SORBS2: variants seen among roughly 807,000 people sequenced by gnomAD.
SORBS2 encodes sorbin and SH3 domain-containing protein 2.
A neutral mutation model predicts 97.7 loss-of-function variants in SORBS2; 46 were observed. That is an observed-to-expected ratio of 0.47 (90% confidence interval 0.37 to 0.60). The LOEUF (loss-of-function observed/expected upper bound fraction) is 0.60. Among genes scored for constraint, SORBS2 ranks in the 20% least tolerant of loss-of-function variants. SORBS2 has a pLI of 0.00. For missense variants in SORBS2, 1,316 were observed against 1,282.3 expected (o/e 1.03, Z -0.40); for synonymous variants, 476 against 473.4 (o/e 1.01, Z -0.07).
chr4:185,737,643 C>A (rs2098696353), intron 2 of SORBS2, among the ~76,000 whole-genome samples: 1 of 152,120 alleles, frequency 6.6e-6, no homozygotes, highest in Non-Finnish European at 1.5e-5. Context: ...GGGTCTCAGG[C>A]CAGCCGTGGA....
At chr4:185,779,892 G>T (rs979922) in intron 1 of SORBS2, among the ~76,000 whole-genome samples, 18,756 of 151,970 alleles carry the variant, frequency 0.12, 1,175 homozygotes, top group East Asian at 0.16. Flanking sequence ...ACAGCAGTCA[G>T]ATTCTCCTAT....
chr4:185,946,355 T>A (rs908666982), intron 1 of SORBS2, among the ~76,000 whole-genome samples: 2 of 152,154 alleles, frequency 1.3e-5, no homozygotes, highest in Non-Finnish European at 2.9e-5. Flanking sequence ...AATGTGAGTG[T>A]GAGCGAAGGC....
At chr4:185,690,901 T>C (rs1313691627) in intron 2 of SORBS2, among the ~76,000 whole-genome samples, 1 of 43,198 alleles carries the variant, frequency 2.3e-5, no homozygotes, top group Non-Finnish European at 4.5e-5. Flanking sequence ...TTTCTTTTTT[T>C]CTTTCTTTTT....
At chr4:185,728,464 T>A (rs2098581722) in intron 2 of SORBS2, among the ~76,000 whole-genome samples, 2 of 152,208 alleles carry the variant, frequency 1.3e-5, no homozygotes, top group African/African-American at 4.8e-5. Context: ...ATGCTCTGGA[T>A]GAAAACTGGT....
At chr4:185,624,106 C>G (rs764472768) in exon 7 of SORBS2, 1 of 1,614,176 alleles carries the variant, frequency 6.2e-7, no homozygotes, top group Non-Finnish European at 8.5e-7. Context: ...TGTGTCTGAT[C>G]CTTGATCTGC....
intron 2 of SORBS2, among the ~76,000 whole-genome samples, chr4:185,756,517 A>G (rs982018601): frequency 2.0e-5 from 3 of 152,142 alleles, no homozygotes; most frequent in African/African-American, 4.8e-5. Flanking sequence ...CTCAAGTACT[A>G]TTCATTGTTA....
chr4:185,845,017 CT>C (rs57089831), intron 1 of SORBS2, among the ~76,000 whole-genome samples: 33,385 of 140,100 alleles, frequency 0.24, 4,006 homozygotes, highest in Middle Eastern at 0.34. Flanking sequence ...GATGAAAATG[CT>C]TTTTTTTTTT....
In SORBS2 at chr4:185,690,618, G is replaced by GA. The variant is rs940985442; in HGVS notation, c.-197-11797dup. The GA allele has an allele frequency of 1.4e-5, 19 of 1,340,484 alleles. No homozygotes were observed. Among genetic ancestry groups the GA allele is most frequent in the Admixed American group, 1.3e-4 (6 of 46,054 alleles). The allele number at this position is 1,340,484 out of a possible 1,614,324, so 83.0% of individuals were successfully genotyped here. A position where few individuals can be genotyped will look rare whatever the true frequency, so the allele number is the denominator to read the frequency against. ...ATTAAAGTCTTCAGTTTTCCTGTAG[G>GA]AAAAAAATGGTGCATAATTGTTCAC... On this transcript the variant is annotated intron_variant, in intron 2 of 20. Coordinates refer to the SORBS2 transcript ENST00000284776.
intron 2 of SORBS2, among the ~76,000 whole-genome samples, chr4:185,740,995 G>A (rs555521344): frequency 3.4e-4 from 50 of 147,068 alleles, no homozygotes; most frequent in Non-Finnish European, 5.4e-4. Context: ...GCACTAACTC[G>A]GACCAGCACC....
chr4:185,777,702 T>A (rs940452716), intron 1 of SORBS2, among the ~76,000 whole-genome samples: 2 of 152,152 alleles, frequency 1.3e-5, no homozygotes, highest in Non-Finnish European at 2.9e-5. Flanking sequence ...GGTGGCTACA[T>A]GTGGCTACTG....
chr4:185,798,799 T>C (rs559189211), intron 1 of SORBS2, among the ~76,000 whole-genome samples: 84 of 152,294 alleles, frequency 5.5e-4, no homozygotes, highest in African/African-American at 1.8e-3. Flanking sequence ...CCTACCAGTG[T>C]TTCCAGCAAA....
chr4:185,923,223 A>G (rs2099261790), intron 1 of SORBS2, among the ~76,000 whole-genome samples: 1 of 152,114 alleles, frequency 6.6e-6, no homozygotes, highest in Non-Finnish European at 1.5e-5. Flanking sequence ...TCAACCTTGG[A>G]TCTATGCTGC....
chr4:185,677,446 C>T lies in SORBS2; in HGVS notation c.-46+977G>A, dbSNP rs762187072. ...TATGACATGGTTGTGTTAGATTCTT[C>T]AGAATATACAATTGTCTGTCTCGAA... On this transcript the variant is annotated intron_variant, in intron 4 of 20. Coordinates refer to the SORBS2 transcript ENST00000284776. 23 of 1,551,948 alleles carry T rather than the reference C, an allele frequency of 1.5e-5. No homozygotes were observed. In the Admixed American group the frequency reaches 4.1e-4, roughly 28 times the overall value.
chr4:185,855,517 G>T (rs1049514707), intron 1 of SORBS2, among the ~76,000 whole-genome samples: 1 of 151,852 alleles, frequency 6.6e-6, no homozygotes, highest in Non-Finnish European at 1.5e-5. Flanking sequence ...GAGGCTCCTT[G>T]GCTGCTAATC....
intron 5 of SORBS2, among the ~76,000 whole-genome samples, chr4:185,629,769 G>A (rs554077282): frequency 6.6e-6 from 1 of 151,988 alleles, no homozygotes; most frequent in Admixed American, 6.5e-5. Flanking sequence ...CACCATGATG[G>A]CCAGGATGGT....
chr4:185,911,485 A>G (rs979005006), intron 1 of SORBS2, among the ~76,000 whole-genome samples: 2 of 152,090 alleles, frequency 1.3e-5, no homozygotes, highest in Non-Finnish European at 2.9e-5. Flanking sequence ...CCAGCCTCTC[A>G]AAGTCCTGGG....
chr4:185,714,819 C>G (rs140498523), intron 2 of SORBS2, among the ~76,000 whole-genome samples: 1 of 152,328 alleles, frequency 6.6e-6, no homozygotes, highest in Non-Finnish European at 1.5e-5. Flanking sequence ...TTATCTCCAC[C>G]TGGCCCCACC....
intron 2 of SORBS2, among the ~76,000 whole-genome samples, chr4:185,683,078 A>T (rs2097897677): frequency 6.6e-6 from 1 of 152,088 alleles, no homozygotes; most frequent in African/African-American, 2.4e-5. Context: ...TCTAATTGAC[A>T]CAAAAGAGGG....
chr4:185,679,535 TC>T (rs2097842828), intron 2 of SORBS2, among the ~76,000 whole-genome samples: 2 of 152,210 alleles, frequency 1.3e-5, no homozygotes, highest in Non-Finnish European at 2.9e-5. Flanking sequence ...TATTCCAAAA[TC>T]TTCTATATGC....
Sources: allele counts gnomAD v4.1 joint callset (sites outside exome capture counted in the v4.1 genomes callset), GRCh38; gene constraint gnomAD v4.1.1; transcripts MANE v1.5; gene names NCBI Gene and HGNC (gene_info 2026-07-23, HGNC 2026-07-21).